Variants in MARCHF1 observed in about 807,000 individuals in gnomAD.
MARCHF1 encodes E3 ubiquitin-protein ligase MARCHF1.
In MARCHF1, 40 loss-of-function variants were observed where a neutral mutation model predicts 54.2. The ratio of observed to expected loss-of-function variants is 0.74; its 90% confidence interval spans 0.57 to 0.96. The LOEUF is 0.96. MARCHF1 is among the 40% of genes least tolerant of loss of function. MARCHF1 has a pLI of 0.00. For missense variants in MARCHF1, 586 were observed against 656.5 expected, an observed-to-expected ratio of 0.89 and a Z score of 1.17; for synonymous variants, 236 against 236.3, an observed-to-expected ratio of 1.00 and a Z score of 0.01.
chr4:164,318,836 T>A lies in MARCHF1; in HGVS notation c.-323+65034A>T, dbSNP rs186778111. On this transcript the variant is annotated intron_variant, in intron 1 of 9. Transcript: ENST00000514618. ...CACAAAAGTACTTGTTATAAAAAAA[T>A]TGAATTTAATATGAGAATACTAATC... Among the ~76,000 whole-genome samples the A allele has an allele frequency of 2.8e-3, 431 of 152,330 alleles. 3 individuals are homozygous for A. The highest frequency in any genetic ancestry group is 9.7e-3 in the African/African-American group (403 of 41,570).
chr4:164,126,540 A>G (rs112983628), intron 1 of MARCHF1, among the ~76,000 whole-genome samples: 1 of 152,208 alleles, frequency 6.6e-6, no homozygotes, highest in Non-Finnish European at 1.5e-5. Flanking sequence ...GAAAATGTGG[A>G]AGTGGCTTTG....
At chr4:163,993,026 A>T (rs774907359) in intron 2 of MARCHF1, among the ~76,000 whole-genome samples, 1 of 152,002 alleles carries the variant, frequency 6.6e-6, no homozygotes, top group African/African-American at 2.4e-5. Context: ...CATATGGATA[A>T]GTTATCATGG....
At chr4:163,870,103 A>G (rs1478511720) in intron 3 of MARCHF1, among the ~76,000 whole-genome samples, 3 of 152,176 alleles carry the variant, frequency 2.0e-5, no homozygotes, top group African/African-American at 7.2e-5. Context: ...AACACTTCAC[A>G]TAGTTTAATG....
intron 4 of MARCHF1, among the ~76,000 whole-genome samples, chr4:163,724,078 C>T (rs1467578604): frequency 2.0e-5 from 3 of 152,214 alleles, no homozygotes; most frequent in Admixed American, 6.5e-5. Context: ...GAGCTGTGTT[C>T]CTTTGGAGGG....
chr4:163,629,075 A>G (rs1741976234), intron 5 of MARCHF1, among the ~76,000 whole-genome samples: 1 of 152,220 alleles, frequency 6.6e-6, no homozygotes, highest in East Asian at 1.9e-4. Flanking sequence ...TGGAACCAAA[A>G]AAGAACCCAT....
chr4:163,755,638 T>G (rs28718305), intron 4 of MARCHF1, among the ~76,000 whole-genome samples: 1 of 148,558 alleles, frequency 6.7e-6, no homozygotes, highest in African/African-American at 2.5e-5. Flanking sequence ...TTTTTTTTCC[T>G]GAAGGAAAAA....
intron 2 of MARCHF1, among the ~76,000 whole-genome samples, chr4:164,024,662 A>G (rs1469986347): frequency 6.6e-6 from 1 of 152,164 alleles, no homozygotes; most frequent in Non-Finnish European, 1.5e-5. Context: ...CACAGACACT[A>G]TAAAGCAACT....
At chr4:163,844,848 C>G (rs1168558723) in intron 4 of MARCHF1, among the ~76,000 whole-genome samples, 10 of 152,136 alleles carry the variant, frequency 6.6e-5, no homozygotes, top group Non-Finnish European at 1.5e-4. Flanking sequence ...TGATAATGGA[C>G]TTAAGAAGCT....
chr4:164,275,171 C>G (rs1733847329), intron 1 of MARCHF1, among the ~76,000 whole-genome samples: 1 of 151,662 alleles, frequency 6.6e-6, no homozygotes. Context: ...TAACTACATA[C>G]CAACACAGAA....
At chr4:163,766,705 C>T (rs985383162) in intron 4 of MARCHF1, among the ~76,000 whole-genome samples, 10 of 152,146 alleles carry the variant, frequency 6.6e-5, no homozygotes, top group African/African-American at 2.4e-4. Flanking sequence ...AACTACACAC[C>T]TGATTACAGG....
rs576875150 is a variant in MARCHF1, at chr4:164,285,995, A to T, written c.-323+97875T>A. Among the ~76,000 whole-genome samples, 14 of 152,278 alleles carry T rather than the reference A, an allele frequency of 9.2e-5. No homozygotes were observed. The South Asian group carries it at 2.7e-3, about 29-fold the overall frequency. ...TCAGCATGACTGGGAGTGAGTAAGG[A>T]GTAAGCACATAGGTAAAATAATGAC... On this transcript the variant is annotated intron_variant, in intron 1 of 9. Transcript: ENST00000514618.
At chr4:164,129,590 T>A (rs1425480970) in intron 1 of MARCHF1, among the ~76,000 whole-genome samples, 1 of 152,190 alleles carries the variant, frequency 6.6e-6, no homozygotes, top group African/African-American at 2.4e-5. Flanking sequence ...GCTATATATA[T>A]TATTTTTTGA....
chr4:163,933,239 A>G, intron 3 of MARCHF1: 1 of 722,988 alleles, frequency 1.4e-6, no homozygotes, highest in East Asian at 3.9e-5. Context: ...GATGCAGCAG[A>G]AGGGGCTGAA....
At chr4:164,283,498 T>C (rs757707472) in intron 1 of MARCHF1, among the ~76,000 whole-genome samples, 37 of 150,796 alleles carry the variant, frequency 2.5e-4, no homozygotes, top group Non-Finnish European at 4.3e-4. Context: ...CACTAACAAA[T>C]AGAACACCGG....
chr4:164,382,317 GA>G (rs200239605), intron 1 of MARCHF1, among the ~76,000 whole-genome samples: 3 of 151,610 alleles, frequency 2.0e-5, no homozygotes, highest in South Asian at 4.2e-4. Context: ...TATCTTTAAA[GA>G]AAAAAAATCA....
At chr4:163,611,940 A>G (rs1357598828) in intron 7 of MARCHF1, among the ~76,000 whole-genome samples, 1 of 152,092 alleles carries the variant, frequency 6.6e-6, no homozygotes, top group Non-Finnish European at 1.5e-5. Flanking sequence ...AAAGTCTAAC[A>G]TTTCACACAG....
chr4:163,608,725 A>G (rs892308351), intron 7 of MARCHF1, among the ~76,000 whole-genome samples: 1 of 152,048 alleles, frequency 6.6e-6, no homozygotes, highest in Non-Finnish European at 1.5e-5. Context: ...TAGAGTGTGC[A>G]TGTGGGGACC....
intron 1 of MARCHF1, among the ~76,000 whole-genome samples, chr4:164,135,084 T>A (rs1579561856): frequency 1.3e-5 from 2 of 152,216 alleles, no homozygotes; most frequent in East Asian, 3.9e-4. Flanking sequence ...TGGTTATTAG[T>A]ACACCTTGTG....
At chr4:163,775,225 T>C (rs1389197577) in intron 4 of MARCHF1, among the ~76,000 whole-genome samples, 1 of 152,214 alleles carries the variant, frequency 6.6e-6, no homozygotes, top group Non-Finnish European at 1.5e-5. Context: ...TCCACAGATA[T>C]TAGCATGCTT....
Sources: gnomAD v4.1 joint callset for allele counts (sites outside exome capture counted in the v4.1 genomes callset) on GRCh38, gnomAD v4.1.1 for gene constraint, MANE v1.5 for transcripts, NCBI Gene and HGNC (gene_info 2026-07-23, HGNC 2026-07-21) for gene names.